Variants in LMLN observed in about 807,000 individuals in gnomAD.
The protein encoded by LMLN is leishmanolysin like peptidase.
A neutral mutation model predicts 92.3 loss-of-function variants in LMLN; 70 were observed. The ratio of observed to expected loss-of-function variants is 0.76; its 90% CI spans 0.63 to 0.92. LMLN has a LOEUF of 0.92. Ranked by LOEUF, LMLN falls within the 40% of genes least tolerant of loss-of-function variation. The probability of loss-of-function intolerance (pLI) is 0.00; values close to 1 mark genes in which losing one functional copy is unlikely to be tolerated. For synonymous variants in LMLN, 308 were observed against 296.2 expected (o/e 1.04, Z -0.41); for missense variants, 691 against 814.6 (o/e 0.85, Z 1.85).
At chr3:197,984,116 T>C in intron 7 of LMLN, 68 bp downstream of exon 7, 2 of 980,468 alleles carry the variant, frequency 2.0e-6, no homozygotes, top group Non-Finnish European at 3.3e-6. Context: ...CTCATTTTTA[T>C]ACATATATTC....
chr3:197,980,492 C>A (rs752863068), exon 6 of LMLN: 1 of 1,612,824 alleles, frequency 6.2e-7, no homozygotes, highest in Non-Finnish European at 8.5e-7. Flanking sequence ...CAGCAGGAAG[C>A]AAACATGGAC....
Position 198,025,256 on chromosome 3 carries a change from G to A in LMLN, c.1656+468G>A, listed in dbSNP as rs1434925192. 6.8e-6 allele frequency among the ~76,000 whole-genome samples: 1 copy of A among 147,962 alleles called. No individual in the cohort carries two copies. The highest frequency in any genetic ancestry group is 2.5e-5 in the African/African-American group (1 of 39,844). ...TCGAGACCATCCTAGGCAACAAAGC[G>A]AGACCCTGTCTCCAAAAAATAAAGG... On this transcript the variant is annotated intron_variant, in intron 14 of 15. Transcript: ENST00000330198. The surrounding 1 kb of genome is among the most constrained non-coding windows in gnomAD (Gnocchi z 4.3).
intron 10 of LMLN, 151 bp from the exon 11 acceptor site, chr3:197,999,115 T>G: frequency 1.6e-6 from 1 of 635,224 alleles, no homozygotes; most frequent in Non-Finnish European, 2.8e-6. Flanking sequence ...TCTAGTCATC[T>G]TAAAGGTTTA....
chr3:197,964,389 T>G (rs1312972751), intron 1 of LMLN, among the ~76,000 whole-genome samples: 2 of 149,688 alleles, frequency 1.3e-5, no homozygotes, highest in East Asian at 1.9e-4. Flanking sequence ...AAATTTTTTT[T>G]TTGTTTTTTG....
chr3:197,981,806 CT>C lies in LMLN; in HGVS notation c.728+1317del, dbSNP rs560078859. On this transcript the variant is annotated intron_variant, in intron 6 of 15. Transcript: ENST00000330198. Reference sequence around the variant, plus strand: ...CTGACTTCAAAGGGAGTCAGCTAGTCTTTTTTTTTTTTTTTGGAGACATAGT... The same window carrying C: ...CTGACTTCAAAGGGAGTCAGCTAGTCTTTTTTTTTTTTTTGGAGACATAGT... 3.1e-3 allele frequency among the ~76,000 whole-genome samples: 432 copies of C among 140,620 alleles called. 1 individual carries two copies. Among genetic ancestry groups the C allele is most frequent in the East Asian group, 5.3e-3 (26 of 4,888 alleles). 92.3% of individuals were successfully genotyped at this position (140,620 alleles called of 152,430 possible). A position where few individuals can be genotyped will look rare whatever the true frequency, so the allele number is the denominator to read the frequency against.
At position 198,039,847 on chromosome 3, in the gene LMLN, T is replaced by A. The variant is rs369396867; in HGVS notation, c.*1180T>A. On this transcript the variant is annotated 3_prime_UTR_variant, in exon 16 of 16. Transcript: ENST00000330198. ...GCTGGTAGCCCTCTGTATTCATCCC[T>A]CTTCAGAGCTCAGCTTCTGGTTGTA... 15 of 152,232 alleles carry A rather than the reference T, an allele frequency of 9.9e-5. No individual in the cohort carries two copies. The East Asian group carries it at 2.1e-3, about 22-fold the overall frequency. The allele number at this position is 152,232 out of a possible 1,614,324, so 9.4% of individuals were successfully genotyped here.
At chr3:197,990,431 T>C (rs188434899) in intron 8 of LMLN, 128 bp from the exon 9 acceptor site, 1 of 506,112 alleles carries the variant, frequency 2.0e-6, no homozygotes, top group African/African-American at 1.9e-5. Context: ...ACTTGATACA[T>C]AGGAGGTTCT....
intron 1 of LMLN, among the ~76,000 whole-genome samples, chr3:197,969,744 T>A (rs1480586481): frequency 6.6e-6 from 1 of 152,208 alleles, no homozygotes; most frequent in African/African-American, 2.4e-5. Context: ...TTTAAAATAG[T>A]CATGTTAAAT....
chr3:197,994,090 T>A (rs775629312), intron 9 of LMLN, among the ~76,000 whole-genome samples: 2 of 152,168 alleles, frequency 1.3e-5, no homozygotes, highest in Non-Finnish European at 2.9e-5. Flanking sequence ...AATTTGACCC[T>A]TATCTCACAC....
intron 3 of LMLN, 28 bp from the exon 4 acceptor site, chr3:197,976,000 GT>G: frequency 7.7e-7 from 1 of 1,291,392 alleles, no homozygotes; most frequent in African/African-American, 1.5e-5. Flanking sequence ...TTATAATTCT[GT>G]TTCTTTTTTT....
At chr3:198,038,149 T>C (rs1723287259) in intron 15 of LMLN, among the ~76,000 whole-genome samples, 1 of 152,218 alleles carries the variant, frequency 6.6e-6, no homozygotes, top group East Asian at 1.9e-4. Context: ...CTGCCTGTTG[T>C]CATTATTAAT....
chr3:197,989,603 G>A (rs952614009), intron 8 of LMLN, among the ~76,000 whole-genome samples: 4 of 152,142 alleles, frequency 2.6e-5, no homozygotes, highest in South Asian at 2.1e-4. Context: ...GTAATTCATC[G>A]TCATCTTAGC....
At chr3:198,015,690 C>A (rs948828237) in intron 11 of LMLN, among the ~76,000 whole-genome samples, 5 of 151,214 alleles carry the variant, frequency 3.3e-5, no homozygotes, top group Admixed American at 2.0e-4. Flanking sequence ...CTCCACCCTT[C>A]AGAGTCCCCT....
intron 7 of LMLN, 127 bp downstream of exon 7, chr3:197,984,175 C>A: frequency 1.8e-6 from 1 of 546,350 alleles, no homozygotes; most frequent in Non-Finnish European, 3.2e-6. Flanking sequence ...GCACATGTAC[C>A]CTAAAACTTA....
intron 11 of LMLN, among the ~76,000 whole-genome samples, chr3:198,006,835 C>T (rs913994301): frequency 6.6e-6 from 1 of 152,134 alleles, no homozygotes; most frequent in African/African-American, 2.4e-5. Context: ...GCCTCAGCCT[C>T]CAGAGTAGCT....
intron 14 of LMLN, 45 bp downstream of exon 15, chr3:198,024,833 T>G: frequency 6.7e-7 from 1 of 1,494,784 alleles, no homozygotes; most frequent in Non-Finnish European, 9.1e-7. Context: ...TTATGTGATT[T>G]TATCTCTTTT....
At chr3:198,007,282 T>A (rs1722320802) in intron 11 of LMLN, among the ~76,000 whole-genome samples, 1 of 152,214 alleles carries the variant, frequency 6.6e-6, no homozygotes. Flanking sequence ...AAAGTTTTCT[T>A]ATGTTTTTTT....
At chr3:197,982,415 A>G (rs1219115418) in intron 6 of LMLN, among the ~76,000 whole-genome samples, 4 of 150,942 alleles carry the variant, frequency 2.7e-5, no homozygotes, top group Non-Finnish European at 5.9e-5. Flanking sequence ...TAGTAGAGAC[A>G]AGGTTTTGCC....
intron 8 of LMLN, among the ~76,000 whole-genome samples, chr3:197,987,321 G>T (rs1185070200): frequency 6.6e-6 from 1 of 151,576 alleles, no homozygotes; most frequent in Non-Finnish European, 1.5e-5. Context: ...CAACACGCCC[G>T]GCTGATTTTT....
Sources: allele counts gnomAD v4.1 joint callset (sites outside exome capture counted in the v4.1 genomes callset), GRCh38; gene constraint gnomAD v4.1.1; non-coding constraint Gnocchi (gnomAD v3.1); transcripts MANE v1.5; gene names NCBI Gene and HGNC (gene_info 2026-07-23, HGNC 2026-07-21).